The following ANKRD11 variants were observed in gnomAD, a reference collection of about 807,000 sequenced individuals.
ANKRD11 encodes the protein ankyrin repeat domain 11, also known as ankyrin repeat domain-containing protein 11.
In ANKRD11, 17 loss-of-function variants were observed where a neutral mutation model predicts 195.7. That is an observed-to-expected ratio of 0.09 (90% CI 0.06 to 0.13). ANKRD11 has a LOEUF of 0.13. ANKRD11 is among the 10% of genes least tolerant of loss of function. The probability of loss-of-function intolerance (pLI) is 1.00; values close to 1 mark genes in which losing one functional copy is unlikely to be tolerated. For missense variants in ANKRD11, 3,735 were observed against 3,566.1 expected, an observed-to-expected ratio of 1.05 and a Z score of -1.21; for synonymous variants, 1,953 against 1,528.1, an observed-to-expected ratio of 1.28 and a Z score of -6.49.
chr16:89,405,491 ATTTTTTTT>A (rs60792139), intron 2 of ANKRD11, among the ~76,000 whole-genome samples: 1 of 111,474 alleles, frequency 9.0e-6, no homozygotes, highest in Non-Finnish European at 1.8e-5. Context: ...CACCTGGCTC[ATTTTTTTT>A]TTTTTTTTTT....
At chr16:89,396,211 G>C (rs1226302942) in intron 2 of ANKRD11, 5 of 152,238 alleles carry the variant, frequency 3.3e-5, no homozygotes, top group Non-Finnish European at 7.3e-5. Flanking sequence ...CCCTGGAAGA[G>C]ACAGGTGCTG....
chr16:89,375,188 G>A (rs558656451), intron 2 of ANKRD11, among the ~76,000 whole-genome samples: 245 of 152,162 alleles, frequency 1.6e-3, no homozygotes, highest in Middle Eastern at 0.01. Context: ...GTGCTACCGC[G>A]GTGAGCTCAA....
intron 2 of ANKRD11, chr16:89,323,237 G>A (rs3114900): frequency 1.6e-5 from 19 of 1,193,388 alleles, no homozygotes; most frequent in African/African-American, 3.1e-5. Context: ...AAAGAAAAAA[G>A]GAGAAAAGGA....
intron 1 of ANKRD11, among the ~76,000 whole-genome samples, chr16:89,448,301 G>C (rs1325512277): frequency 6.6e-6 from 1 of 152,184 alleles, no homozygotes; most frequent in African/African-American, 2.4e-5. Context: ...AAAAGAAAAA[G>C]TCTCAACTGT....
chr16:89,423,616 C>T (rs1789492327), intron 1 of ANKRD11, among the ~76,000 whole-genome samples: 1 of 152,198 alleles, frequency 6.6e-6, no homozygotes, highest in Admixed American at 6.5e-5. Context: ...GCACCTGACC[C>T]AACTCAACTC....
At chr16:89,352,526 G>C (rs1296938337) in intron 2 of ANKRD11, among the ~76,000 whole-genome samples, 1 of 152,194 alleles carries the variant, frequency 6.6e-6, no homozygotes, top group Non-Finnish European at 1.5e-5. Flanking sequence ...GCTCAACACA[G>C]TGAGCGAGCC....
chr16:89,280,652 C>A lies in ANKRD11; in HGVS notation c.5890G>T (p.Gly1964Trp). 6.2e-7 allele frequency: 1 copy of A among 1,613,468 alleles called. No individual in the cohort carries two copies. The highest frequency in any genetic ancestry group is 8.5e-7 in the Non-Finnish European group (1 of 1,179,958). Residue 1964 changes from glycine to tryptophan, a missense_variant, in exon 9 of 13, where the codon GGG (glycine) becomes TGG (tryptophan). By Grantham distance (184) the Gly-to-Trp change is radical. Coordinates refer to ENST00000301030, the MANE Select transcript of ANKRD11 (RefSeq NM_013275.6). ...SEQALASSLI[G>W]GTSENPVSWP... ...CTCACAGGGTTTTCAGAGGTGCCCC[C>A]GATCAGGCTAGAGGCAAGCGCCTGC...
rs1320751516 is a variant in ANKRD11, at chr16:89,280,642, G to T, written c.5900C>A (p.Ser1967Tyr). The change falls in exon 9 of 13, where the codon TCT becomes TAT. Residue 1967 changes from serine to tyrosine, a missense_variant. Transcript: ENST00000301030. ...CACAGGCCAGCTCACAGGGTTTTCA[G>T]AGGTGCCCCCGATCAGGCTAGAGGC... ...ALASSLIGGT[S>Y]ENPVSWPVGS... 1.9e-6 allele frequency: 3 copies of T among 1,613,418 alleles called. No homozygotes were observed. The highest frequency in any genetic ancestry group is 2.5e-6 in the Non-Finnish European group (3 of 1,179,980).
At chr16:89,275,659 G>A (rs995168867) in intron 9 of ANKRD11, among the ~76,000 whole-genome samples, 11 of 152,170 alleles carry the variant, frequency 7.2e-5, no homozygotes, top group African/African-American at 2.7e-4. Flanking sequence ...AACCGAGCCG[G>A]TGGTCTTGCA....
chr16:89,473,865 A>C (rs748509334), intron 1 of ANKRD11, among the ~76,000 whole-genome samples: 14 of 152,196 alleles, frequency 9.2e-5, no homozygotes, highest in Non-Finnish European at 1.3e-4. Flanking sequence ...TGGTGAAAAC[A>C]ATGGAATGGC....
chr16:89,316,824 G>A lies in ANKRD11; in HGVS notation c.87+109C>T, dbSNP rs576115114. The A allele has an allele frequency of 1.4e-4, 194 of 1,344,290 alleles. No homozygotes were observed. The African/African-American group carries it at 2.3e-3, about 16-fold the overall frequency. The allele number at this position is 1,344,290 out of a possible 1,614,324, so 83.3% of individuals were successfully genotyped here. The stretch of plus-strand genomic sequence containing the variant: ...CTCCTGGCTGCAGACAGAGGCACGA[G>A]GAAAGGGCCGGAGGGCGGAGAACAG... On this transcript the variant is annotated intron_variant, in intron 3 of 12. Coordinates refer to ENST00000301030, the MANE Select transcript of ANKRD11 (RefSeq NM_013275.6).
At chr16:89,414,982 C>G (rs1306182066) in intron 2 of ANKRD11, among the ~76,000 whole-genome samples, 2 of 152,250 alleles carry the variant, frequency 1.3e-5, no homozygotes, top group East Asian at 3.9e-4. Flanking sequence ...TCTCACCCTG[C>G]GGCCCAGGCT....
rs2034570829 is a variant in ANKRD11 at position 89,285,271 on chromosome 16, TCTC to T, written c.1268_1270del (p.Gly423del). 1 of 1,613,798 alleles carries T rather than the reference TCTC, an allele frequency of 6.2e-7. No homozygotes were observed. The highest frequency in any genetic ancestry group is 1.7e-5 in the Admixed American group (1 of 60,000). On this transcript the variant is annotated inframe_deletion, in exon 9 of 13. Transcript: ENST00000301030. This position sits in a 1 kb window ranked among gnomAD's most constrained non-coding sequence, Gnocchi z 5.6. The stretch of plus-strand genomic sequence containing the variant: ...CGTATGTGCCGAGAGTCTCAGCTTC[TCTC>T]CTGTCCCCACGGTGACACTCGCGTC...
chr16:89,284,203 T>A lies in ANKRD11; in HGVS notation c.2339A>T (p.Asn780Ile). ...TGAAATTTTGTCCTCTTTTAAATCA[T>A]TCTTCTTCTCTAATTTTGAGGGCCG... Reference protein sequence around the residue: ...KDRPSKLEKKNDLKEDKISKE... With the variant: ...KDRPSKLEKKIDLKEDKISKE... Residue 780 changes from asparagine (N) to isoleucine (I), a missense_variant, in exon 9 of 13, where the codon AAT becomes ATT. Physicochemically the swap from Asn to Ile is moderately radical, Grantham distance 149 (BLOSUM62 -3). Coordinates refer to ENST00000301030, the MANE Select transcript of ANKRD11 (RefSeq NM_013275.6). 1 of 1,611,992 alleles carries A rather than the reference T, an allele frequency of 6.2e-7. No individual in the cohort carries two copies. Among genetic ancestry groups the A allele is most frequent in the Non-Finnish European group, 8.5e-7 (1 of 1,179,616 alleles).
intron 2 of ANKRD11, among the ~76,000 whole-genome samples, chr16:89,374,665 A>T (rs1399537786): frequency 6.6e-6 from 1 of 152,198 alleles, no homozygotes; most frequent in African/African-American, 2.4e-5. Context: ...AGAGGAGAAA[A>T]GCTCCTCCAG....
intron 2 of ANKRD11, among the ~76,000 whole-genome samples, chr16:89,318,680 TC>T (rs1440925973): frequency 6.6e-6 from 1 of 152,212 alleles, no homozygotes; most frequent in Non-Finnish European, 1.5e-5. Flanking sequence ...AAGATGCTTC[TC>T]CTCCAACACC....
intron 3 of ANKRD11, 54 bp downstream of exon 3, chr16:89,316,879 C>T (rs1466157971): frequency 1.3e-6 from 2 of 1,588,652 alleles, no homozygotes; most frequent in Non-Finnish European, 1.7e-6. Context: ...CCATTCCCAC[C>T]TCATCCCCAT....
At chr16:89,469,265 A>G (rs2056988907) in intron 1 of ANKRD11, among the ~76,000 whole-genome samples, 1 of 151,988 alleles carries the variant, frequency 6.6e-6, no homozygotes, top group South Asian at 2.1e-4. Context: ...TCTGTCGCCC[A>G]GGCTAGAGTG....
Position 89,281,227 on chromosome 16 carries a change from G to C in ANKRD11, c.5315C>G (p.Ser1772Trp). Residue 1772 changes from serine (S) to tryptophan (W), a missense_variant, in exon 9 of 13, where the codon TCG (serine) becomes TGG (tryptophan). By Grantham distance (177) the Ser-to-Trp change is radical. Coordinates refer to ENST00000301030, the MANE Select transcript of ANKRD11 (RefSeq NM_013275.6). This position sits in a 1 kb window ranked among gnomAD's most constrained non-coding sequence, Gnocchi z 5.5. ...GGCAGGAGCCTGGCTGGCGTTTTCC[G>C]AAAGCCCACTTGAAGCCACGGAGAA... is the stretch of plus-strand genomic sequence containing the variant. ...DRFSVASSGL[S>W]ENASQAPARP... is the part of the protein sequence containing the mutation. The C allele has an allele frequency of 6.2e-7, 1 of 1,614,216 alleles. No homozygotes were observed. Among genetic ancestry groups the C allele is most frequent in the South Asian group, 1.1e-5 (1 of 91,086 alleles).
Sources: gnomAD v4.1 joint callset for allele counts (sites outside exome capture counted in the v4.1 genomes callset) on GRCh38, gnomAD v4.1.1 for gene constraint, Gnocchi (gnomAD v3.1) non-coding constraint, MANE v1.5 for transcripts, NCBI Gene and HGNC (gene_info 2026-07-23, HGNC 2026-07-21) for gene names.